Variants in SNED1 observed in about 807,000 individuals in gnomAD.
The protein encoded by SNED1 is sushi, nidogen and EGF-like domain-containing protein 1.
In SNED1, 81 loss-of-function variants were observed where a neutral mutation model predicts 166.7. The ratio of observed to expected loss-of-function variants is 0.49; its 90% confidence interval spans 0.41 to 0.58. The LOEUF (loss-of-function observed/expected upper bound fraction) is 0.58. SNED1 is among the 20% of genes least tolerant of loss of function. SNED1 has a pLI of 0.00. For missense variants in SNED1, 1,604 were observed against 2,000.2 expected (o/e 0.80, Z 3.78); for synonymous variants, 762 against 822.0 (o/e 0.93, Z 1.25).
intron 1 of SNED1, among the ~76,000 whole-genome samples, chr2:241,022,671 G>A (rs2124922530): frequency 6.6e-6 from 1 of 152,212 alleles, no homozygotes; most frequent in South Asian, 2.1e-4. Context: ...CTGGGATCCT[G>A]GAAGACTTCT....
chr2:241,001,696 C>T (rs1364577807), intron 1 of SNED1, among the ~76,000 whole-genome samples: 1 of 152,110 alleles, frequency 6.6e-6, no homozygotes, highest in Non-Finnish European at 1.5e-5. Flanking sequence ...GGGGCAGGTG[C>T]AGGGAATGAG....
At chr2:241,050,634 C>A (rs771355900) in intron 12 of SNED1, among the ~76,000 whole-genome samples, 7 of 152,236 alleles carry the variant, frequency 4.6e-5, no homozygotes, top group Non-Finnish European at 8.8e-5. Flanking sequence ...GCTCCCCCAA[C>A]CACTGCAGCA....
chr2:241,036,151 T>A (rs1169267920), intron 4 of SNED1, among the ~76,000 whole-genome samples: 2 of 142,674 alleles, frequency 1.4e-5, no homozygotes, highest in Admixed American at 1.4e-4. Flanking sequence ...CGCGCGCTCA[T>A]GGGAAGAGGA....
At position 241,040,188 on chromosome 2, in the gene SNED1, G is replaced by T; in HGVS notation, c.1159G>T (p.Asp387Tyr). The T allele has an allele frequency of 6.3e-7, 1 of 1,591,920 alleles. No homozygotes were observed. Among genetic ancestry groups the T allele is most frequent in the South Asian group, 1.1e-5 (1 of 87,532 alleles). ...ATACACCGGAGCAGCCTGCGAGATGGGTGAGTGGCCTGGCTTCGGATTGGA... is the reference window on the plus strand; with the variant it reads ...ATACACCGGAGCAGCCTGCGAGATGTGTGAGTGGCCTGGCTTCGGATTGGA... ...AGYTGAACEM[D>Y]VDDCSPDPCL... The change falls in exon 7 of 32, where the codon GAT (aspartate) becomes TAT (tyrosine). Residue 387 changes from aspartate to tyrosine, a missense_variant and splice_region_variant. Transcript: ENST00000310397.
chr2:241,055,587 G>C (rs796512589), intron 16 of SNED1, among the ~76,000 whole-genome samples: 24 of 152,310 alleles, frequency 1.6e-4, no homozygotes, highest in African/African-American at 5.5e-4. Context: ...ACCTATTAAA[G>C]AGTTGAGGAG....
At chr2:241,035,382 G>C (rs1266951443) in intron 4 of SNED1, among the ~76,000 whole-genome samples, 1 of 152,182 alleles carries the variant, frequency 6.6e-6, no homozygotes, top group Non-Finnish European at 1.5e-5. Context: ...CACGTGGTTT[G>C]TGGGAACAGC....
chr2:241,062,921 C>A lies in SNED1; in HGVS notation c.2371+17C>A, dbSNP rs776724830. 1.1e-5 allele frequency: 16 copies of A among 1,509,380 alleles called. No individual in the cohort carries two copies. Among genetic ancestry groups the A allele is most frequent in the Admixed American group, 1.9e-5 (1 of 53,826 alleles). The allele number at this position is 1,509,380 out of a possible 1,614,324, so 93.5% of individuals were successfully genotyped here. A position where few individuals can be genotyped will look rare whatever the true frequency, so the allele number is the denominator to read the frequency against. On this transcript the variant is annotated intron_variant, in intron 17 of 31. Transcript: ENST00000310397. ...GTGAGCTGGGTAAGAGGGGCCCTGG[C>A]CCCGCTGGGGTGACAGCTGCAGCAC...
intron 29 of SNED1, among the ~76,000 whole-genome samples, chr2:241,083,071 C>T (rs562861419): frequency 6.6e-6 from 1 of 152,074 alleles, no homozygotes; most frequent in East Asian, 1.9e-4. Flanking sequence ...CAACAGACAG[C>T]AGTGAGAGTG....
At chr2:241,047,280 C>T (rs190098389) in intron 8 of SNED1, among the ~76,000 whole-genome samples, 4 of 151,382 alleles carry the variant, frequency 2.6e-5, no homozygotes, top group East Asian at 1.9e-4. Flanking sequence ...CCTTTTATAA[C>T]GATAGAGGGG....
intron 1 of SNED1, among the ~76,000 whole-genome samples, chr2:241,020,596 C>T (rs10190984): frequency 0.014 from 2,180 of 152,300 alleles, 50 homozygotes; most frequent in African/African-American, 0.05. Flanking sequence ...ACCTGTTGGG[C>T]GCTGCCCTTA....
At chr2:241,044,193 G>T (rs190200017) in intron 8 of SNED1, among the ~76,000 whole-genome samples, 5 of 152,332 alleles carry the variant, frequency 3.3e-5, no homozygotes, top group Admixed American at 2.0e-4. Context: ...GATAGGTTCA[G>T]TCTAGTCATA....
intron 1 of SNED1, among the ~76,000 whole-genome samples, chr2:241,024,235 C>CT (rs10664618): frequency 0.088 from 4,138 of 46,932 alleles, 1,473 homozygotes; most frequent in Non-Finnish European, 0.13. Context: ...ACTCTACTAC[C>CT]TTTTTTTTTT....
At chr2:241,070,232 G>A in intron 24 of SNED1, 31 bp downstream of exon 24, 3 of 1,573,512 alleles carry the variant, frequency 1.9e-6, no homozygotes, top group South Asian at 1.1e-5. Context: ...GCGTGGGCGG[G>A]GCCAGTGTTT....
At position 241,051,922 on chromosome 2, in the gene SNED1, C is replaced by G; in HGVS notation, c.1852+62C>G. ...ACGGGCCAGCCCTGAGCTGGGGCCC[C>G]TGATGCACCCTCCCTGCCAGCTGTG... On this transcript the variant is annotated intron_variant, in intron 13 of 31. Coordinates refer to ENST00000310397, the MANE Select transcript of SNED1 (RefSeq NM_001080437.3). This position sits in a 1 kb window ranked among gnomAD's most constrained non-coding sequence, Gnocchi z 4.7. The G allele has an allele frequency of 2.0e-6, 3 of 1,476,642 alleles. No individual in the cohort carries two copies. The highest frequency in any genetic ancestry group is 2.8e-6 in the Non-Finnish European group (3 of 1,086,008). The allele number at this position is 1,476,642 out of a possible 1,614,324, so 91.5% of individuals were successfully genotyped here. A position where few individuals can be genotyped will look rare whatever the true frequency, so the allele number is the denominator to read the frequency against.
At position 241,065,440 on chromosome 2, in the gene SNED1, A is replaced by G. The variant is rs1314116599; in HGVS notation, c.2855A>G (p.Tyr952Cys). 1 of 1,612,708 alleles carries G rather than the reference A, an allele frequency of 6.2e-7. No individual in the cohort carries two copies. The highest frequency in any genetic ancestry group is 8.5e-7 in the Non-Finnish European group (1 of 1,179,792). Residue 952 changes from tyrosine to cysteine, a missense_variant, in exon 21 of 32, where the codon TAC becomes TGC. Transcript: ENST00000310397. ...ACCTACGTCTCCTCCGACGGCTCCT[A>G]CCGCCGCACAGACTTTGTGGACAGG... ...AVTYVSSDGS[Y>C]RRTDFVDRTR...
chr2:241,056,581 T>A (rs1190768812), intron 16 of SNED1, among the ~76,000 whole-genome samples: 3 of 38,986 alleles, frequency 7.7e-5, no homozygotes, highest in Admixed American at 3.0e-4. Flanking sequence ...ATAAGTGAAA[T>A]TTTTTTTTTT....
Position 241,033,876 on chromosome 2 carries a change from G to T in SNED1, c.642+1G>T. The T allele has an allele frequency of 6.3e-7, 1 of 1,597,222 alleles. No homozygotes were observed. The highest frequency in any genetic ancestry group is 8.5e-7 in the Non-Finnish European group (1 of 1,172,814). On this transcript the variant is annotated splice_donor_variant, in intron 3 of 31. Coordinates refer to ENST00000310397, the MANE Select transcript of SNED1 (RefSeq NM_001080437.3). LOFTEE classifies it high-confidence loss of function. ...TGGCCTCGGGGGCATCGCAGCCCAG[G>T]TAGGCGAGTGCAGTCGGTGCTCTGT...
chr2:241,049,184 C>G, intron 11 of SNED1, 49 bp downstream of exon 11: 1 of 1,450,558 alleles, frequency 6.9e-7, no homozygotes, highest in Non-Finnish European at 9.5e-7. Flanking sequence ...CGGACAGAAG[C>G]CAGGGAGAAA....
In SNED1 at chr2:241,071,867, C is replaced by T; in HGVS notation, c.3806C>T (p.Thr1269Ile). ...RFGGSPSKAA[T>I]VRSQPTASAQ... ...GGTGGCTCACCCAGCAAAGCAGCCACCGTGAGATCACGTGAGTGCCAGGGC... is the reference window on the plus strand; with the variant it reads ...GGTGGCTCACCCAGCAAAGCAGCCATCGTGAGATCACGTGAGTGCCAGGGC... The change falls in exon 26 of 32, where the codon ACC becomes ATC. Residue 1269 changes from threonine to isoleucine, a missense_variant. Transcript: ENST00000310397. 1 of 1,603,924 alleles carries T rather than the reference C, an allele frequency of 6.2e-7. No individual in the cohort carries two copies. The highest frequency in any genetic ancestry group is 8.5e-7 in the Non-Finnish European group (1 of 1,175,920).
Sources: allele counts gnomAD v4.1 joint callset (sites outside exome capture counted in the v4.1 genomes callset), GRCh38; gene constraint gnomAD v4.1.1; non-coding constraint Gnocchi (gnomAD v3.1); transcripts MANE v1.5; gene names NCBI Gene and HGNC (gene_info 2026-07-23, HGNC 2026-07-21).